The following EYS variants were observed in gnomAD, a reference collection of about 807,000 sequenced individuals.
EYS encodes the protein protein eyes shut homolog.
A neutral mutation model predicts 282.1 loss-of-function variants in EYS; 250 were observed. The ratio of observed to expected loss-of-function variants is 0.89; its 90% CI spans 0.80 to 0.98. EYS has a LOEUF of 0.98. Ranked by LOEUF, EYS falls within the 50% of genes least tolerant of loss-of-function variation. The pLI is 0.00. For missense variants in EYS, 4,016 were observed against 3,709.0 expected, an observed-to-expected ratio of 1.08 and a Z score of -2.15; for synonymous variants, 1,355 against 1,282.9, an observed-to-expected ratio of 1.06 and a Z score of -1.20.
At chr6:65,681,546 A>C (rs1012155439) in intron 1 of EYS, among the ~76,000 whole-genome samples, 4 of 151,954 alleles carry the variant, frequency 2.6e-5, no homozygotes, top group Non-Finnish European at 5.9e-5. Context: ...GCTGAATTAC[A>C]ATGGTAGGCT....
chr6:64,235,953 A>C (rs1297596120), intron 30 of EYS, among the ~76,000 whole-genome samples: 1 of 152,182 alleles, frequency 6.6e-6, no homozygotes, highest in Non-Finnish European at 1.5e-5. Context: ...AAAAGAGGGA[A>C]TCCTCCCTAA....
chr6:64,646,859 T>G (rs1768373531), intron 22 of EYS, among the ~76,000 whole-genome samples: 1 of 151,858 alleles, frequency 6.6e-6, no homozygotes, highest in South Asian at 2.1e-4. Context: ...GCATTATTCC[T>G]CATGAGCATA....
chr6:64,453,079 A>G (rs975424131), intron 26 of EYS, among the ~76,000 whole-genome samples: 12 of 152,232 alleles, frequency 7.9e-5, no homozygotes, highest in Admixed American at 2.6e-4. Flanking sequence ...GGCAACCTAC[A>G]GAATGGGAGA....
intron 14 of EYS, among the ~76,000 whole-genome samples, chr6:64,961,832 A>G (rs1196873506): frequency 6.6e-6 from 1 of 152,168 alleles, no homozygotes; most frequent in Non-Finnish European, 1.5e-5. Context: ...TTTTATTTAT[A>G]AAACTAGAAA....
intron 22 of EYS, among the ~76,000 whole-genome samples, chr6:64,646,266 T>C (rs1027246178): frequency 2.6e-5 from 4 of 152,140 alleles, no homozygotes; most frequent in Non-Finnish European, 5.9e-5. Flanking sequence ...GAGTTGTGGA[T>C]GGGCTGTCAA....
intron 5 of EYS, among the ~76,000 whole-genome samples, chr6:65,454,045 C>G (rs1764510173): frequency 8.6e-6 from 1 of 116,304 alleles, no homozygotes; most frequent in Non-Finnish European, 2.0e-5. Flanking sequence ...TACATAACCA[C>G]TGGGGGATTG....
rs189288004 is a variant in EYS at position 63,953,489 on chromosome 6, T to A, written c.7055+30894A>T. ...TTACGTATCTTGGCATAATTCTTCA[T>A]AAAAACAAATGTGCTCTCCCTGCTA... On this transcript the variant is annotated intron_variant, in intron 35 of 42. Coordinates refer to ENST00000503581, the MANE Select transcript of EYS (RefSeq NM_001142800.2). 2.8e-4 allele frequency among the ~76,000 whole-genome samples: 43 copies of A among 152,270 alleles called. 1 individual carries two copies. Among genetic ancestry groups the A allele is most frequent in the Middle Eastern group, 6.8e-3 (2 of 294 alleles).
At chr6:64,710,315 C>T (rs1286417707) in intron 22 of EYS, among the ~76,000 whole-genome samples, 1 of 152,214 alleles carries the variant, frequency 6.6e-6, no homozygotes, top group Non-Finnish European at 1.5e-5. Flanking sequence ...TGTATCCACT[C>T]TTAAAATGTT....
At chr6:65,028,048 T>C (rs930789996) in intron 13 of EYS, among the ~76,000 whole-genome samples, 1 of 152,150 alleles carries the variant, frequency 6.6e-6, no homozygotes, top group South Asian at 2.1e-4. Context: ...CTTTGAGTTC[T>C]TCTGCATCAC....
intron 29 of EYS, among the ~76,000 whole-genome samples, chr6:64,370,943 C>T (rs1179442246): frequency 6.6e-6 from 1 of 151,904 alleles, no homozygotes; most frequent in Non-Finnish European, 1.5e-5. Flanking sequence ...GTCTATCTAT[C>T]ATATTAATTC....
chr6:64,706,615 G>T (rs1207980608), intron 22 of EYS, among the ~76,000 whole-genome samples: 4 of 151,028 alleles, frequency 2.6e-5, no homozygotes, highest in Non-Finnish European at 5.9e-5. Flanking sequence ...AAATCAGCAA[G>T]AAAAAAAACA....
At chr6:64,586,931 A>G (rs944287841) in intron 26 of EYS, among the ~76,000 whole-genome samples, 1 of 152,134 alleles carries the variant, frequency 6.6e-6, no homozygotes, top group Non-Finnish European at 1.5e-5. Context: ...TAGGAAAAGA[A>G]TGACAAATTG....
chr6:64,652,128 T>C (rs1449548957), intron 22 of EYS, among the ~76,000 whole-genome samples: 1 of 152,192 alleles, frequency 6.6e-6, no homozygotes, highest in Non-Finnish European at 1.5e-5. Context: ...GATGAACTAA[T>C]GAGATGATTT....
chr6:63,920,897 C>CA (rs1554187502), intron 35 of EYS, among the ~76,000 whole-genome samples: 7 of 144,192 alleles, frequency 4.9e-5, no homozygotes, highest in African/African-American at 1.3e-4. Context: ...TTCTTTCTTC[C>CA]TTTTTTTTTT....
chr6:64,562,449 T>C (rs1182124608), intron 26 of EYS, among the ~76,000 whole-genome samples: 1 of 151,916 alleles, frequency 6.6e-6, no homozygotes, highest in Non-Finnish European at 1.5e-5. Context: ...AGTTTAAAAG[T>C]ATTCAAGAAT....
At chr6:64,388,627 C>G (rs918756567) in intron 29 of EYS, 63 bp downstream of exon 29, 38 of 1,344,118 alleles carry the variant, frequency 2.8e-5, no homozygotes, top group Non-Finnish European at 3.7e-5. Flanking sequence ...TTTCATTTAT[C>G]AATATGATGA....
At chr6:64,699,498 TA>T (rs2149922681) in intron 22 of EYS, among the ~76,000 whole-genome samples, 1 of 151,994 alleles carries the variant, frequency 6.6e-6, no homozygotes, top group Admixed American at 6.6e-5. Flanking sequence ...AAATGAGAAA[TA>T]GAAAGGGGTC....
intron 13 of EYS, among the ~76,000 whole-genome samples, chr6:65,011,399 C>G (rs999766716): frequency 1.3e-5 from 2 of 152,178 alleles, no homozygotes; most frequent in African/African-American, 4.8e-5. Context: ...AGAATAGAAG[C>G]TCTAAAACTA....
intron 13 of EYS, among the ~76,000 whole-genome samples, chr6:65,011,251 T>C (rs1771856971): frequency 6.6e-6 from 1 of 152,208 alleles, no homozygotes. Context: ...AATTATTATT[T>C]ACTGGACCGG....
Sources: allele counts gnomAD v4.1 joint callset (sites outside exome capture counted in the v4.1 genomes callset), GRCh38; gene constraint gnomAD v4.1.1; transcripts MANE v1.5; gene names NCBI Gene and HGNC (gene_info 2026-07-23, HGNC 2026-07-21).